Variants in SYNE1 observed in about 807,000 individuals in gnomAD.
SYNE1 encodes spectrin repeat containing nuclear envelope protein 1, also known as nesprin-1.
SYNE1 carries 616 observed loss-of-function variants against 1,111.0 expected under a neutral mutation model. The ratio of observed to expected loss-of-function variants is 0.55; its 90% confidence interval spans 0.52 to 0.59. The LOEUF (loss-of-function observed/expected upper bound fraction) is 0.59, where lower values mean the gene tolerates loss of function less well. SYNE1 is among the 20% of genes least tolerant of loss of function. The pLI is 0.00. For missense variants in SYNE1, 10,006 were observed against 10,417.0 expected, an observed-to-expected ratio of 0.96 and a Z score of 1.72; for synonymous variants, 3,855 against 3,825.8, an observed-to-expected ratio of 1.01 and a Z score of -0.28.
chr6:152,200,426 A>T (rs1182046200), intron 127 of SYNE1, among the ~76,000 whole-genome samples: 1 of 152,166 alleles, frequency 6.6e-6, no homozygotes, highest in East Asian at 1.9e-4. Flanking sequence ...TTTTTTACAG[A>T]CAGGGTCTCA....
At chr6:152,477,977 G>A (rs2098845167) in intron 14 of SYNE1, among the ~76,000 whole-genome samples, 1 of 152,152 alleles carries the variant, frequency 6.6e-6, no homozygotes, top group South Asian at 2.1e-4. Context: ...TTGTTGGCCA[G>A]GTTGGTCTCA....
intron 100 of SYNE1, among the ~76,000 whole-genome samples, chr6:152,263,457 C>T (rs2092321954): frequency 6.6e-6 from 1 of 152,038 alleles, no homozygotes; most frequent in East Asian, 1.9e-4. Context: ...CTCGTGTGAT[C>T]ACAGCTCACT....
chr6:152,427,029 A>G (rs895923996), intron 38 of SYNE1, among the ~76,000 whole-genome samples: 11 of 152,206 alleles, frequency 7.2e-5, no homozygotes, highest in Non-Finnish European at 1.0e-4. Flanking sequence ...TGACTGTTGA[A>G]TTTTCCAGCA....
intron 135 of SYNE1, among the ~76,000 whole-genome samples, chr6:152,150,995 T>C (rs2060308916): frequency 6.6e-6 from 1 of 152,060 alleles, no homozygotes; most frequent in African/African-American, 2.4e-5. Context: ...CTGGATCACT[T>C]GAGGTTAGGA....
intron 16 of SYNE1, among the ~76,000 whole-genome samples, chr6:152,466,971 A>T (rs1416488407): frequency 6.6e-6 from 1 of 152,104 alleles, no homozygotes; most frequent in East Asian, 1.9e-4. Flanking sequence ...CTTGTATAGC[A>T]CGCTGATGAA....
rs750010888 is a variant in SYNE1 at position 152,511,079 on chromosome 6, T to A, written c.334A>T (p.Thr112Ser). The A allele has an allele frequency of 9.3e-6, 15 of 1,613,996 alleles. No individual in the cohort carries two copies. The Admixed American group carries it at 2.5e-4, about 27-fold the overall frequency. Reference protein sequence around the residue: ...RKIKLVNINSTDIADGRPSIV... With the variant: ...RKIKLVNINSSDIADGRPSIV... ...GAGGGTCGGCCATCAGCTATATCGG[T>A]GGAGTTAATGTTGACTAATTTAATC... Residue 112 changes from threonine (T) to serine (S), a missense_variant, in exon 7 of 146, where the codon ACC becomes TCC. Thr to Ser is a moderately conservative substitution (Grantham distance 58, BLOSUM62 1). Coordinates refer to ENST00000367255, the MANE Select transcript of SYNE1 (RefSeq NM_182961.4).
intron 3 of SYNE1, among the ~76,000 whole-genome samples, chr6:152,540,494 A>C (rs1351199220): frequency 6.6e-6 from 1 of 152,246 alleles, no homozygotes; most frequent in African/African-American, 2.4e-5. Context: ...CGTATACATG[A>C]AGCAAAAAAG....
rs148476337 is a variant in SYNE1 at position 152,140,908 on chromosome 6, G to A, written c.25246+295C>T. ...AATTTAGCTGGGCGTGGTGGCGGGC[G>A]CCTGTAGTCCCAGCTACTCGGGAGG... On this transcript the variant is annotated intron_variant, in intron 139 of 145. Transcript: ENST00000367255. 0.1 allele frequency among the ~76,000 whole-genome samples: 15,171 copies of A among 152,030 alleles called. 902 individuals carry two copies. Among genetic ancestry groups the A allele is most frequent in the Non-Finnish European group, 0.13 (9,136 of 67,948 alleles).
At chr6:152,221,295 A>G in intron 118 of SYNE1, 131 bp downstream of exon 118, 1 of 1,245,584 alleles carries the variant, frequency 8.0e-7, no homozygotes, top group Non-Finnish European at 1.1e-6. Context: ...CCTTAAATTC[A>G]TGTTGTGAAA....
intron 130 of SYNE1, among the ~76,000 whole-genome samples, chr6:152,171,091 A>C (rs6900828): frequency 0.24 from 36,773 of 152,168 alleles, 5,531 homozygotes; most frequent in African/African-American, 0.43. Flanking sequence ...TCCATTAAAC[A>C]TGTTTTTCTT....
chr6:152,435,917 G>A (rs1404903432), intron 33 of SYNE1, 24 bp downstream of exon 33: 1 of 1,613,818 alleles, frequency 6.2e-7, no homozygotes, highest in Non-Finnish European at 8.5e-7. Context: ...AGAGAAGAAA[G>A]TTTAGGACTT....
intron 21 of SYNE1, among the ~76,000 whole-genome samples, chr6:152,461,056 C>T (rs934272623): frequency 6.6e-6 from 1 of 152,028 alleles, no homozygotes; most frequent in Non-Finnish European, 1.5e-5. Context: ...TTGTGATCTG[C>T]TCGCCTCGGC....
chr6:152,382,096 ATAAAAT>A (rs1462700182), intron 55 of SYNE1, among the ~76,000 whole-genome samples: 1 of 152,226 alleles, frequency 6.6e-6, no homozygotes, highest in Non-Finnish European at 1.5e-5. Flanking sequence ...GGAAAACAAG[ATAAAAT>A]TAAATCACAT....
At chr6:152,577,934 A>G (rs1175929051) in intron 3 of SYNE1, among the ~76,000 whole-genome samples, 1 of 152,152 alleles carries the variant, frequency 6.6e-6, no homozygotes, top group African/African-American at 2.4e-5. Flanking sequence ...TTGGAATAAC[A>G]AACTCCACAT....
In SYNE1 at chr6:152,239,042, C is replaced by T. The variant is rs575878734; in HGVS notation, c.20067+491G>A. On this transcript the variant is annotated intron_variant, in intron 108 of 145. Coordinates refer to ENST00000367255, the MANE Select transcript of SYNE1 (RefSeq NM_182961.4). ...CCTCCCAAGTAGCTGAGATTACAGG[C>T]ACCCACGACGACGTCCGGCTAATTT... Among the ~76,000 whole-genome samples the T allele has an allele frequency of 4.6e-5, 7 of 151,888 alleles. No homozygotes were observed. In the East Asian group the frequency reaches 1.4e-3, roughly 30 times the overall value.
At chr6:152,460,767 C>CCCTAGTTA (rs945591784) in intron 21 of SYNE1, among the ~76,000 whole-genome samples, 4 of 148,268 alleles carry the variant, frequency 2.7e-5, no homozygotes, top group African/African-American at 7.4e-5. Flanking sequence ...CCATCTAGTT[C>CCCTAGTTA]CCTGTACAGA....
rs539878714 is a variant in SYNE1, at chr6:152,326,141, A to G, written c.15294-39T>C. ...AACAGAAACTGATAAGTAGCACGAA[A>G]TCACGTATTTCTACACGAAGCTCTG... On this transcript the variant is annotated intron_variant, in intron 79 of 145. Coordinates refer to ENST00000367255, the MANE Select transcript of SYNE1 (RefSeq NM_182961.4). The G allele has an allele frequency of 6.8e-6, 11 of 1,614,110 alleles. No individual in the cohort carries two copies. In the East Asian group the frequency reaches 2.0e-4, roughly 29 times the overall value.
At chr6:152,407,824 C>T (rs1395328871) in intron 44 of SYNE1, among the ~76,000 whole-genome samples, 5 of 146,400 alleles carry the variant, frequency 3.4e-5, no homozygotes, top group South Asian at 2.1e-4. Flanking sequence ...CGCAGTGGTG[C>T]GATCTCAGCT....
chr6:152,441,962 A>C, intron 31 of SYNE1, 113 bp downstream of exon 31: 1 of 1,273,440 alleles, frequency 7.9e-7, no homozygotes, highest in Non-Finnish European at 1.1e-6. Flanking sequence ...AATTTAACAC[A>C]GGGCTGAAAC....
Sources: allele counts gnomAD v4.1 joint callset (sites outside exome capture counted in the v4.1 genomes callset), GRCh38; gene constraint gnomAD v4.1.1; transcripts MANE v1.5; gene names NCBI Gene and HGNC (gene_info 2026-07-23, HGNC 2026-07-21).